Variants in SPATA13 observed in about 807,000 individuals in gnomAD.
SPATA13 encodes spermatogenesis-associated protein 13.
SPATA13 carries 50 observed loss-of-function variants against 104.0 expected under a neutral mutation model. That is an observed-to-expected ratio of 0.48 (90% CI 0.38 to 0.61). The LOEUF is 0.61. Ranked by LOEUF, SPATA13 falls within the 20% of genes least tolerant of loss-of-function variation. The probability of loss-of-function intolerance (pLI) is 0.00; values close to 1 mark genes in which losing one functional copy is unlikely to be tolerated. For missense variants in SPATA13, 1,524 were observed against 1,690.6 expected, an observed-to-expected ratio of 0.90 and a Z score of 1.73; for synonymous variants, 606 against 667.5, an observed-to-expected ratio of 0.91 and a Z score of 1.42.
At chr13:24,182,507 A>AGG (rs1487228570) in intron 1 of SPATA13, among the ~76,000 whole-genome samples, 26 of 151,034 alleles carry the variant, frequency 1.7e-4, no homozygotes, top group Non-Finnish European at 3.4e-4. Flanking sequence ...AGAGAGAGAG[A>AGG]GAGCGCAGGA....
chr13:24,010,933 C>T (rs1449291937), intron 2 of SPATA13, among the ~76,000 whole-genome samples: 2 of 151,780 alleles, frequency 1.3e-5, no homozygotes, highest in Non-Finnish European at 2.9e-5. Flanking sequence ...CTTTGCCCCA[C>T]TGGTGACTGA....
rs1873473006 is a variant in SPATA13 at position 24,251,453 on chromosome 13, T to C, written c.2020-265T>C. On this transcript the variant is annotated intron_variant, in intron 3 of 12. Coordinates refer to ENST00000382108, the MANE Select transcript of SPATA13 (RefSeq NM_001166271.3). ...ATCTTCTCAGAAGCTTCTTTTTCCTTAGTGTGACCTATTGGCATGTTGCAG... is the reference window on the plus strand; with the variant it reads ...ATCTTCTCAGAAGCTTCTTTTTCCTCAGTGTGACCTATTGGCATGTTGCAG... 3.0e-6 allele frequency: 3 copies of C among 984,948 alleles called. No individual in the cohort carries two copies. The South Asian group carries it at 1.4e-4, about 46-fold the overall frequency. 61.0% of individuals were successfully genotyped at this position (984,948 alleles called of 1,614,324 possible). A position where few individuals can be genotyped will look rare whatever the true frequency, so the allele number is the denominator to read the frequency against.
chr13:24,163,470 TC>T (rs1273234265), intron 1 of SPATA13, among the ~76,000 whole-genome samples: 2 of 152,216 alleles, frequency 1.3e-5, no homozygotes, highest in Non-Finnish European at 2.9e-5. Flanking sequence ...CATTGAGAGT[TC>T]CGTTTCACTT....
chr13:24,032,472 T>C (rs1335007359), intron 3 of SPATA13, among the ~76,000 whole-genome samples: 1 of 152,224 alleles, frequency 6.6e-6, no homozygotes, highest in Non-Finnish European at 1.5e-5. Context: ...TGGAATGTTG[T>C]TGGAATCAGT....
chr13:24,197,532 A>G (rs1870131434), intron 1 of SPATA13, among the ~76,000 whole-genome samples: 1 of 152,242 alleles, frequency 6.6e-6, no homozygotes. Context: ...CCTATAGGGC[A>G]GTAAAACTGT....
intron 3 of SPATA13, among the ~76,000 whole-genome samples, chr13:24,133,368 G>A (rs1881449961): frequency 6.6e-6 from 1 of 152,172 alleles, no homozygotes; most frequent in South Asian, 2.1e-4. Flanking sequence ...ATCTATTATA[G>A]AAAATAAAGT....
upstream of SPATA13, chr13:24,160,640 G>T: frequency 1.2e-6 from 1 of 858,586 alleles, no homozygotes; most frequent in Middle Eastern, 5.8e-4. Context: ...AACCGGGGGC[G>T]TGGCCTGATA....
intron 3 of SPATA13, among the ~76,000 whole-genome samples, chr13:24,023,942 T>C (rs575284617): frequency 1.3e-5 from 2 of 152,310 alleles, no homozygotes; most frequent in East Asian, 1.9e-4. Flanking sequence ...AGGAAACAAA[T>C]GCATGTGGAC....
intron 2 of SPATA13, among the ~76,000 whole-genome samples, chr13:24,010,458 C>CTT (rs34740517): frequency 3.4e-4 from 46 of 137,084 alleles, no homozygotes; most frequent in African/African-American, 1.2e-3. Flanking sequence ...AGGTATGTAG[C>CTT]TTTTTTTTTT....
intron 3 of SPATA13, among the ~76,000 whole-genome samples, chr13:24,029,805 G>A (rs146791570): frequency 0.012 from 1,861 of 151,996 alleles, 47 homozygotes; most frequent in African/African-American, 0.042. Context: ...GCCCCAGTGT[G>A]TGTTGTTCCC....
chr13:24,037,240 T>C (rs1389412819), intron 3 of SPATA13, among the ~76,000 whole-genome samples: 1 of 145,734 alleles, frequency 6.9e-6, no homozygotes, highest in Non-Finnish European at 1.5e-5. Flanking sequence ...CATTAGGAGA[T>C]ATACCTAATG....
At chr13:24,190,100 C>T (rs369986600) in intron 1 of SPATA13, among the ~76,000 whole-genome samples, 1 of 4,418 alleles carries the variant, frequency 2.3e-4, no homozygotes, top group African/African-American at 2.5e-4. Context: ...TAATGATATA[C>T]AATATATATT....
rs1197188092 is a variant in SPATA13, at chr13:24,222,890, CCTGGAGCTG to C, written c.-38_-30del. On this transcript the variant is annotated 5_prime_UTR_variant, in exon 2 of 13. Coordinates refer to ENST00000382108, the MANE Select transcript of SPATA13 (RefSeq NM_001166271.3). The stretch of plus-strand genomic sequence containing the variant: ...AGGACGGCATTCCTGGAGATGAAGG[CCTGGAGCTG>C]CGGTCTGCGGACTCGGCAGTGCCCG... 6.5e-7 allele frequency: 1 copy of C among 1,548,570 alleles called. No homozygotes were observed. The highest frequency in any genetic ancestry group is 1.4e-5 in the African/African-American group (1 of 72,994).
At chr13:24,281,547 G>GTGGC (rs1305969021) in intron 4 of SPATA13, among the ~76,000 whole-genome samples, 2 of 152,238 alleles carry the variant, frequency 1.3e-5, no homozygotes, top group East Asian at 3.9e-4. Context: ...ATGCCTCAAT[G>GTGGC]TGGCGTGTGC....
intron 3 of SPATA13, among the ~76,000 whole-genome samples, chr13:24,133,323 C>T (rs1456205063): frequency 3.3e-5 from 5 of 152,146 alleles, no homozygotes; most frequent in East Asian, 1.9e-4. Flanking sequence ...ATTGTGTAAG[C>T]CCAGTTGGAA....
At chr13:24,281,482 G>C (rs559351603) in intron 4 of SPATA13, among the ~76,000 whole-genome samples, 9 of 152,298 alleles carry the variant, frequency 5.9e-5, no homozygotes, top group African/African-American at 1.9e-4. Flanking sequence ...CGCGGTGTCC[G>C]GCGCACCTGT....
chr13:24,114,224 A>G (rs1003854833), intron 3 of SPATA13, among the ~76,000 whole-genome samples: 3 of 152,270 alleles, frequency 2.0e-5, no homozygotes, highest in Admixed American at 6.5e-5. Flanking sequence ...TTGAAAGCCT[A>G]CAAAAGAACA....
intron 3 of SPATA13, among the ~76,000 whole-genome samples, chr13:24,131,661 A>G (rs1881392470): frequency 6.6e-6 from 1 of 152,244 alleles, no homozygotes; most frequent in Non-Finnish European, 1.5e-5. Context: ...CACAGCTTTC[A>G]TACAGCTGTA....
chr13:24,081,715 A>G (rs368301246), intron 3 of SPATA13, among the ~76,000 whole-genome samples: 1,921 of 152,046 alleles, frequency 0.013, 41 homozygotes, highest in African/African-American at 0.044. Flanking sequence ...TAAATTTAAA[A>G]AAAATTAAAA....
Sources: allele counts gnomAD v4.1 joint callset (sites outside exome capture counted in the v4.1 genomes callset), GRCh38; gene constraint gnomAD v4.1.1; transcripts MANE v1.5; gene names NCBI Gene and HGNC (gene_info 2026-07-23, HGNC 2026-07-21).